The following FHIT variants were observed in gnomAD, a reference collection of about 807,000 sequenced individuals.
The protein encoded by FHIT is bis(5'-adenosyl)-triphosphatase.
Under a neutral mutation model 17.9 loss-of-function variants are expected in FHIT, and 19 were observed. The ratio of observed to expected loss-of-function variants is 1.06; its 90% CI spans 0.74 to 1.56. The LOEUF (loss-of-function observed/expected upper bound fraction) is 1.56. Ranked by LOEUF, FHIT falls within the 40% of genes most tolerant of loss-of-function variation. FHIT has a pLI of 0.00. For missense variants in FHIT, 248 were observed against 189.2 expected, an observed-to-expected ratio of 1.31 and a Z score of -1.82; for synonymous variants, 81 against 69.7, an observed-to-expected ratio of 1.16 and a Z score of -0.81.
chr3:60,374,344 T>C (rs541883584), intron 5 of FHIT, among the ~76,000 whole-genome samples: 20 of 152,188 alleles, frequency 1.3e-4, no homozygotes, highest in African/African-American at 4.6e-4. Flanking sequence ...TAAACAATAT[T>C]TGATGACTTA....
At chr3:60,044,793 AC>A (rs1389531883) in intron 5 of FHIT, among the ~76,000 whole-genome samples, 2 of 152,104 alleles carry the variant, frequency 1.3e-5, no homozygotes, top group Non-Finnish European at 2.9e-5. Flanking sequence ...AGGTCACCTT[AC>A]CCTCTTTTCT....
chr3:60,460,352 G>A (rs536010044), intron 5 of FHIT, among the ~76,000 whole-genome samples: 1 of 152,020 alleles, frequency 6.6e-6, no homozygotes, highest in Admixed American at 6.6e-5. Flanking sequence ...AACCAACCAT[G>A]GGAATCACAG....
At chr3:60,281,521 T>C (rs1376533796) in intron 5 of FHIT, among the ~76,000 whole-genome samples, 1 of 150,014 alleles carries the variant, frequency 6.7e-6, no homozygotes, top group Non-Finnish European at 1.5e-5. Flanking sequence ...AATCCAGAAA[T>C]AGACCAATAC....
intron 3 of FHIT, among the ~76,000 whole-genome samples, chr3:60,993,559 A>G (rs2030433468): frequency 1.3e-5 from 2 of 152,308 alleles, no homozygotes; most frequent in Non-Finnish European, 2.9e-5. Flanking sequence ...TCAGGCTTGC[A>G]AGGCAATACA....
At chr3:59,928,688 G>A (rs1705795036) in intron 7 of FHIT, among the ~76,000 whole-genome samples, 1 of 152,154 alleles carries the variant, frequency 6.6e-6, no homozygotes, top group African/African-American at 2.4e-5. Flanking sequence ...ACACATACTA[G>A]GGCAACTGTA....
chr3:60,578,056 C>T (rs1307339892), intron 4 of FHIT, among the ~76,000 whole-genome samples: 2 of 152,110 alleles, frequency 1.3e-5, no homozygotes, highest in East Asian at 3.9e-4. Flanking sequence ...AAATCATCAA[C>T]TTGTCTTCCG....
At chr3:60,410,366 G>A (rs951949330) in intron 5 of FHIT, among the ~76,000 whole-genome samples, 1 of 152,168 alleles carries the variant, frequency 6.6e-6, no homozygotes, top group Non-Finnish European at 1.5e-5. Flanking sequence ...AAAGAAGACA[G>A]ACAAGCTGGT....
chr3:60,806,031 C>A (rs1197027589), intron 4 of FHIT, among the ~76,000 whole-genome samples: 9 of 152,178 alleles, frequency 5.9e-5, no homozygotes, highest in African/African-American at 1.7e-4. Flanking sequence ...ATAGGAGGAA[C>A]TTAACCATAG....
intron 5 of FHIT, among the ~76,000 whole-genome samples, chr3:60,359,252 T>C (rs1026303792): frequency 1.3e-5 from 2 of 151,788 alleles, no homozygotes; most frequent in Non-Finnish European, 2.9e-5. Flanking sequence ...TTCCAAAATA[T>C]ATTATTACTT....
At chr3:60,262,772 T>C (rs975311700) in intron 5 of FHIT, among the ~76,000 whole-genome samples, 2 of 151,948 alleles carry the variant, frequency 1.3e-5, no homozygotes, top group Middle Eastern at 6.8e-3. Flanking sequence ...GTGAATCTCT[T>C]ACCTAAAGAG....
chr3:60,028,249 T>A (rs942927073), intron 5 of FHIT, among the ~76,000 whole-genome samples: 2 of 152,228 alleles, frequency 1.3e-5, no homozygotes, highest in African/African-American at 2.4e-5. Context: ...GTCCTTCTCA[T>A]GGTTCCAATA....
intron 5 of FHIT, among the ~76,000 whole-genome samples, chr3:60,273,481 G>A (rs546571247): frequency 1.3e-4 from 19 of 151,952 alleles, no homozygotes; most frequent in Non-Finnish European, 2.5e-4. Context: ...GTGGTGGCGG[G>A]TGCCTGTCCT....
chr3:60,477,424 T>C (rs896377412), intron 5 of FHIT, among the ~76,000 whole-genome samples: 1 of 152,180 alleles, frequency 6.6e-6, no homozygotes, highest in African/African-American at 2.4e-5. Context: ...TGGATTTCTT[T>C]TGCTGGGTTT....
At chr3:60,352,244 A>G (rs1371671660) in intron 5 of FHIT, among the ~76,000 whole-genome samples, 1 of 152,196 alleles carries the variant, frequency 6.6e-6, no homozygotes, top group Non-Finnish European at 1.5e-5. Flanking sequence ...TGATGCAGAC[A>G]AAAATATGCT....
intron 1 of FHIT, among the ~76,000 whole-genome samples, chr3:61,230,269 T>C (rs1441077869): frequency 6.6e-6 from 1 of 152,170 alleles, no homozygotes; most frequent in East Asian, 1.9e-4. Context: ...TCATGAATGG[T>C]TTAGCACTAT....
At chr3:60,711,618 C>T (rs1341958123) in intron 4 of FHIT, among the ~76,000 whole-genome samples, 2 of 152,092 alleles carry the variant, frequency 1.3e-5, no homozygotes, top group Non-Finnish European at 1.5e-5. Context: ...TCGAGAACTA[C>T]GTGAAGAATG....
At chr3:60,521,245 T>A (rs1040602479) in intron 5 of FHIT, among the ~76,000 whole-genome samples, 23 of 118,952 alleles carry the variant, frequency 1.9e-4, no homozygotes, top group Admixed American at 9.1e-4. Context: ...AAAAAAAAAA[T>A]AAGTATTATT....
At chr3:60,418,957 T>G (rs1302739246) in intron 5 of FHIT, among the ~76,000 whole-genome samples, 1 of 152,112 alleles carries the variant, frequency 6.6e-6, no homozygotes, top group Non-Finnish European at 1.5e-5. Context: ...AATTACAAGG[T>G]CTTACAAGCA....
intron 5 of FHIT, among the ~76,000 whole-genome samples, chr3:60,097,688 T>C (rs1387423665): frequency 6.6e-6 from 1 of 152,040 alleles, no homozygotes; most frequent in Non-Finnish European, 1.5e-5. Context: ...TTCTTAATTC[T>C]ACCAATTAAT....
Sources: allele counts gnomAD v4.1 joint callset (sites outside exome capture counted in the v4.1 genomes callset), GRCh38; gene constraint gnomAD v4.1.1; transcripts MANE v1.5; gene names NCBI Gene and HGNC (gene_info 2026-07-23, HGNC 2026-07-21).